PRDM16: variants seen among roughly 807,000 people sequenced by gnomAD.
The protein encoded by PRDM16 is PR/SET domain 16.
In PRDM16, 23 loss-of-function variants were observed where a neutral mutation model predicts 110.6. The observed-to-expected ratio is 0.21, with a 90% CI of 0.15 to 0.29. The LOEUF (loss-of-function observed/expected upper bound fraction) is 0.29. Ranked by LOEUF, PRDM16 falls within the 10% of genes least tolerant of loss-of-function variation. The probability of loss-of-function intolerance (pLI) is 1.00; values close to 1 mark genes in which losing one functional copy is unlikely to be tolerated. For missense variants in PRDM16, 1,615 were observed against 1,794.3 expected, an observed-to-expected ratio of 0.90 and a Z score of 1.81; for synonymous variants, 799 against 781.8, an observed-to-expected ratio of 1.02 and a Z score of -0.37.
At chr1:3,224,464 C>T (rs140200431) in intron 2 of PRDM16, among the ~76,000 whole-genome samples, 167 of 152,224 alleles carry the variant, frequency 1.1e-3, no homozygotes, top group African/African-American at 3.8e-3. Context: ...TCTCCCCTTC[C>T]GCATGTGCCC....
chr1:3,371,383 C>A (rs1331235236), intron 3 of PRDM16, among the ~76,000 whole-genome samples: 3 of 151,980 alleles, frequency 2.0e-5, no homozygotes, highest in Non-Finnish European at 4.4e-5. Context: ...TCCACCCATC[C>A]ATTCACCCAC....
intron 3 of PRDM16, among the ~76,000 whole-genome samples, chr1:3,321,759 G>A (rs978931343): frequency 6.7e-6 from 1 of 150,216 alleles, no homozygotes; most frequent in African/African-American, 2.5e-5. Flanking sequence ...CACAATGTGT[G>A]TTTGTGTATG....
chr1:3,384,703 G>GCA (rs776437934), intron 3 of PRDM16, among the ~76,000 whole-genome samples: 3 of 152,196 alleles, frequency 2.0e-5, no homozygotes, highest in Non-Finnish European at 2.9e-5. Context: ...CCCTGAGCAT[G>GCA]CACACACACA....
At chr1:3,221,289 C>T (rs1002256974) in intron 2 of PRDM16, among the ~76,000 whole-genome samples, 4 of 152,230 alleles carry the variant, frequency 2.6e-5, no homozygotes, top group Non-Finnish European at 5.9e-5. Flanking sequence ...CCGGTTCCAG[C>T]GCTCAGTTGC....
At chr1:3,253,521 C>G (rs1247029445) in intron 3 of PRDM16, among the ~76,000 whole-genome samples, 2 of 151,736 alleles carry the variant, frequency 1.3e-5, no homozygotes, top group African/African-American at 2.4e-5. Context: ...ATCCATGTCC[C>G]TACAAAGGAC....
At chr1:3,135,032 G>A (rs1200098379) in intron 1 of PRDM16, among the ~76,000 whole-genome samples, 4 of 152,112 alleles carry the variant, frequency 2.6e-5, no homozygotes, top group South Asian at 2.1e-4. Flanking sequence ...TGCTGCCCCC[G>A]GGTCAGGGGC....
intron 3 of PRDM16, among the ~76,000 whole-genome samples, chr1:3,281,182 T>G (rs1158026925): frequency 6.6e-6 from 1 of 152,210 alleles, no homozygotes; most frequent in East Asian, 1.9e-4. Context: ...CCTCTTCAAC[T>G]CGAAACGTTG....
intron 3 of PRDM16, among the ~76,000 whole-genome samples, chr1:3,282,722 C>T (rs753463708): frequency 3.3e-5 from 5 of 152,168 alleles, no homozygotes; most frequent in African/African-American, 4.8e-5. Context: ...ACTGCCACTC[C>T]GAAGCTCCTC....
chr1:3,330,469 G>A (rs10909931), intron 3 of PRDM16, among the ~76,000 whole-genome samples: 9,305 of 152,272 alleles, frequency 0.061, 333 homozygotes, highest in Middle Eastern at 0.085. Context: ...GGCCTCACAT[G>A]GCGCCCATTC....
At chr1:3,412,876 G>A in intron 9 of PRDM16, 76 bp downstream of exon 9, 3 of 1,228,314 alleles carry the variant, frequency 2.4e-6, no homozygotes, top group Non-Finnish European at 3.2e-6. Flanking sequence ...AGTGCATGGT[G>A]GTGTCTCTTT....
rs117691288 is a variant in PRDM16 at position 3,250,004 on chromosome 1, C to T, written c.438+5867C>T. ...GCCCAGGCAGCAGAAAGTCGGAAAG[C>T]ACCGCCCACACCATCCCCTTCCCAA... On this transcript the variant is annotated intron_variant, in intron 3 of 16. Transcript: ENST00000270722. Among the ~76,000 whole-genome samples the T allele has an allele frequency of 0.014, 2,156 of 152,316 alleles. 105 individuals are homozygous for T. The East Asian group carries it at 0.14, about 10-fold the overall frequency.
intron 1 of PRDM16, among the ~76,000 whole-genome samples, chr1:3,165,505 G>T (rs112579685): frequency 2.7e-3 from 203 of 75,088 alleles, no homozygotes; most frequent in African/African-American, 7.6e-3. Context: ...TCAGGGACAG[G>T]GACTCACCTG....
chr1:3,414,107 T>G (rs1289943706), intron 9 of PRDM16, among the ~76,000 whole-genome samples: 1 of 152,196 alleles, frequency 6.6e-6, no homozygotes, highest in Non-Finnish European at 1.5e-5. Flanking sequence ...CGCTCTGCTG[T>G]GAGCAGGTCC....
chr1:3,256,302 C>T (rs1640043879), intron 3 of PRDM16, among the ~76,000 whole-genome samples: 1 of 152,154 alleles, frequency 6.6e-6, no homozygotes. Context: ...GGCATGGGCT[C>T]AGGGCAGGGG....
chr1:3,373,201 C>A (rs1642934753), intron 3 of PRDM16, among the ~76,000 whole-genome samples: 1 of 152,130 alleles, frequency 6.6e-6, no homozygotes, highest in African/African-American at 2.4e-5. Context: ...ATGCGAGCTC[C>A]ACGGGACAGT....
chr1:3,071,148 C>A (rs1401744135), intron 1 of PRDM16, among the ~76,000 whole-genome samples: 2 of 152,250 alleles, frequency 1.3e-5, no homozygotes, highest in Non-Finnish European at 2.9e-5. Flanking sequence ...TAAGCTGGAA[C>A]GAGAAAGGGG....
At chr1:3,422,824 C>G (rs1402985815) in intron 12 of PRDM16, among the ~76,000 whole-genome samples, 1 of 152,236 alleles carries the variant, frequency 6.6e-6, no homozygotes, top group Non-Finnish European at 1.5e-5. Context: ...ATGGCCAGTC[C>G]AAGCCAGGGC....
At chr1:3,167,568 G>C (rs1643974310) in intron 1 of PRDM16, among the ~76,000 whole-genome samples, 1 of 126,834 alleles carries the variant, frequency 7.9e-6, no homozygotes, top group Admixed American at 8.0e-5. Flanking sequence ...ATTGCCCCCT[G>C]CTCCTGCCAT....
intron 1 of PRDM16, among the ~76,000 whole-genome samples, chr1:3,131,064 T>C (rs1429361233): frequency 1.3e-5 from 2 of 152,146 alleles, no homozygotes; most frequent in African/African-American, 2.4e-5. Context: ...CCTGCCCTTG[T>C]CTTCTGGCCA....
Sources: allele counts gnomAD v4.1 joint callset (sites outside exome capture counted in the v4.1 genomes callset), GRCh38; gene constraint gnomAD v4.1.1; transcripts MANE v1.5; gene names NCBI Gene and HGNC (gene_info 2026-07-23, HGNC 2026-07-21).